GTF2F1: variants seen among roughly 807,000 people sequenced by gnomAD.
GTF2F1 encodes general transcription factor IIF subunit 1.
In GTF2F1, 39 loss-of-function variants were observed where a neutral mutation model predicts 63.5. That is an observed-to-expected ratio of 0.61 (90% confidence interval 0.48 to 0.80). The LOEUF is 0.80. GTF2F1 is among the 30% of genes least tolerant of loss of function. The probability of loss-of-function intolerance (pLI) is 0.00; values close to 1 mark genes in which losing one functional copy is unlikely to be tolerated. For missense variants in GTF2F1, 657 were observed against 718.3 expected (o/e 0.91, Z 0.97); for synonymous variants, 287 against 285.3 (o/e 1.01, Z -0.06).
Position 6,381,667 on chromosome 19 carries a change from GGTCTCGCAGGCGCCTCCCGTCGGCCTCA to G in GTF2F1, c.836+2_836+29del, listed in dbSNP as rs2091952368. ...AGCGCGCGCTCGCGAGGCTGCATGG[GGTCTCGCAGGCGCCTCCCGTCGGCCTCA>G]CCTGGAGCCGTCTGACATGTAGTCC... On this transcript the variant is annotated splice_donor_variant and splice_donor_5th_base_variant and intron_variant, in intron 7 of 12. Transcript: ENST00000394456. LOFTEE classifies it high-confidence loss of function. The surrounding 1 kb of genome is among the most constrained non-coding windows in gnomAD (Gnocchi z 4.1). 6.2e-7 allele frequency: 1 copy of G among 1,613,974 alleles called. No individual in the cohort carries two copies. The highest frequency in any genetic ancestry group is 1.7e-5 in the Admixed American group (1 of 60,002).
rs2091947785 is a variant in GTF2F1, at chr19:6,381,177, TCCGACTCCTCG to T, written c.1026_1036del (p.Ser342ArgfsTer9). The T allele has an allele frequency of 6.2e-7, 1 of 1,610,484 alleles. No homozygotes were observed. Among genetic ancestry groups the T allele is most frequent in the Non-Finnish European group, 8.5e-7 (1 of 1,178,732 alleles). On this transcript the variant is annotated frameshift_variant, in exon 10 of 13. Coordinates refer to ENST00000394456, the MANE Select transcript of GTF2F1 (RefSeq NM_002096.3). LOFTEE classifies it high-confidence loss of function. The surrounding 1 kb of genome is among the most constrained non-coding windows in gnomAD (Gnocchi z 4.1). The stretch of plus-strand genomic sequence containing the variant: ...GTCAATGTCGCTCTCCTCTGAGCTG[TCCGACTCCTCG>T]CTGCTGTCTGCGGGGCACAGGAAAG...
intron 3 of GTF2F1, among the ~76,000 whole-genome samples, chr19:6,391,242 C>A (rs11666818): frequency 6.6e-6 from 1 of 152,124 alleles, no homozygotes; most frequent in African/African-American, 2.4e-5. Flanking sequence ...AAAGTCCTTT[C>A]TAGAGCCTCT....
chr19:6,381,634 A>G lies in GTF2F1; in HGVS notation c.837-19T>C. 2.5e-6 allele frequency: 4 copies of G among 1,613,970 alleles called. No individual in the cohort carries two copies. Among genetic ancestry groups the G allele is most frequent in the Non-Finnish European group, 3.4e-6 (4 of 1,180,022 alleles). ...GGAGCTACTGTAAGACGGGGATGGC[A>G]AAGGATGAGCGCGCGCTCGCGAGGC... On this transcript the variant is annotated intron_variant, in intron 7 of 12. Coordinates refer to ENST00000394456, the MANE Select transcript of GTF2F1 (RefSeq NM_002096.3). The surrounding 1 kb of genome is among the most constrained non-coding windows in gnomAD (Gnocchi z 4.1).
chr19:6,380,671 C>T lies in GTF2F1; in HGVS notation c.1251G>A (p.Met417Ile). 2.5e-6 allele frequency: 4 copies of T among 1,612,682 alleles called. No homozygotes were observed. Among genetic ancestry groups the T allele is most frequent in the African/African-American group, 1.3e-5 (1 of 75,050 alleles). ...KLEQGKRVSE[M>I]PAAKRLRLDT... ...CCAGCCGCAACCGCTTGGCTGCAGG[C>T]ATCTCGCTCACCCGCTTCCCTGTGG... The change falls in exon 12 of 13, where the codon ATG becomes ATA. Residue 417 changes from methionine to isoleucine, a missense_variant. Physicochemically the swap from Met to Ile is conservative, Grantham distance 10. Transcript: ENST00000394456. The surrounding 1 kb of genome is among the most constrained non-coding windows in gnomAD (Gnocchi z 5.3).
Position 6,381,325 on chromosome 19 carries a change from C to G in GTF2F1, c.1018+34G>C. 1 of 1,553,238 alleles carries G rather than the reference C, an allele frequency of 6.4e-7. No homozygotes were observed. The highest frequency in any genetic ancestry group is 8.7e-7 in the Non-Finnish European group (1 of 1,148,278). ...GGTGGCAGGGCGCCAGGGCCCGACC[C>G]AAGCCTCCAATATGGGGGCCACATG... On this transcript the variant is annotated intron_variant, in intron 9 of 12. Transcript: ENST00000394456. The surrounding 1 kb of genome is among the most constrained non-coding windows in gnomAD (Gnocchi z 4.1).
intron 4 of GTF2F1, 140 bp from the exon 5 acceptor site, chr19:6,387,699 A>AACCGCCTGGGCAGGCCCTTCC (rs1299144916): frequency 2.3e-5 from 14 of 608,674 alleles, no homozygotes; most frequent in Middle Eastern, 2.7e-4. Context: ...CAGGCCCTTC[A>AACCGCCTGGGCAGGCCCTTCC]ACCACCTGGG....
At chr19:6,384,932 C>T (rs2091968505) in intron 5 of GTF2F1, among the ~76,000 whole-genome samples, 1 of 151,816 alleles carries the variant, frequency 6.6e-6, no homozygotes, top group South Asian at 2.1e-4. Context: ...TACAGGTGCC[C>T]GCCACCATGC....
Position 6,380,681 on chromosome 19 carries a change from A to T in GTF2F1, c.1241T>A (p.Val414Glu). The T allele has an allele frequency of 6.2e-7, 1 of 1,611,476 alleles. No individual in the cohort carries two copies. The highest frequency in any genetic ancestry group is 8.5e-7 in the Non-Finnish European group (1 of 1,179,946). The stretch of plus-strand genomic sequence containing the variant: ...CCGCTTGGCTGCAGGCATCTCGCTC[A>T]CCCGCTTCCCTGTGGGAGTGGGGTC... ...AASKLEQGKR[V>E]SEMPAAKRLR... The change falls in exon 12 of 13, where the codon GTG becomes GAG. Residue 414 changes from valine (V) to glutamate (E), a missense_variant. Physicochemically the swap from Val to Glu is moderately radical, Grantham distance 121. Coordinates refer to ENST00000394456, the MANE Select transcript of GTF2F1 (RefSeq NM_002096.3). The surrounding 1 kb of genome is among the most constrained non-coding windows in gnomAD (Gnocchi z 5.3).
At position 6,383,130 on chromosome 19, in the gene GTF2F1, G is replaced by A. The variant is rs542786925; in HGVS notation, c.682+181C>T. 6.6e-5 allele frequency among the ~76,000 whole-genome samples: 10 copies of A among 152,328 alleles called. No homozygotes were observed. The highest frequency in any genetic ancestry group is 2.2e-4 in the African/African-American group (9 of 41,586). Reference sequence around the variant, plus strand: ...TTGGCCAGGCTGGTCTCAAACTCCTGATCTCAGGTGATCTGCCTGCCTCAG... The same window carrying A: ...TTGGCCAGGCTGGTCTCAAACTCCTAATCTCAGGTGATCTGCCTGCCTCAG... On this transcript the variant is annotated intron_variant, in intron 6 of 12. Transcript: ENST00000394456. This position sits in a 1 kb window ranked among gnomAD's most constrained non-coding sequence, Gnocchi z 4.5.
At chr19:6,385,936 C>T (rs2091972243) in intron 5 of GTF2F1, among the ~76,000 whole-genome samples, 1 of 152,034 alleles carries the variant, frequency 6.6e-6, no homozygotes, top group African/African-American at 2.4e-5. Flanking sequence ...ATTAGCCGGG[C>T]ATGGTGGCAG....
chr19:6,389,352 G>A, intron 4 of GTF2F1, 92 bp downstream of exon 4: 1 of 1,096,648 alleles, frequency 9.1e-7, no homozygotes, highest in Non-Finnish European at 1.3e-6. Flanking sequence ...GGAATCTGAG[G>A]TTCAGAGAGG....
intron 5 of GTF2F1, among the ~76,000 whole-genome samples, chr19:6,384,793 TTTTC>T (rs1176044073): frequency 9.9e-5 from 15 of 151,486 alleles, no homozygotes; most frequent in Non-Finnish European, 1.9e-4. Flanking sequence ...TTTTCTTTTC[TTTTC>T]TTTTGAGTTG....
In GTF2F1 at chr19:6,387,262, G is replaced by A. The variant is rs557623060; in HGVS notation, c.497+127C>T. 5.6e-5 allele frequency: 47 copies of A among 835,904 alleles called. No homozygotes were observed. The East Asian group carries it at 8.3e-4, about 15-fold the overall frequency. The allele number at this position is 835,904 out of a possible 1,614,324, so 51.8% of individuals were successfully genotyped here. A position where few individuals can be genotyped will look rare whatever the true frequency, so the allele number is the denominator to read the frequency against. On this transcript the variant is annotated intron_variant, in intron 5 of 12. Transcript: ENST00000394456. Reference sequence around the variant, plus strand: ...CCTCCTGAACTGACAGCTCTGAGACGGCCGAGTGGGGTCTGCCCTGGTTAC... The same window carrying A: ...CCTCCTGAACTGACAGCTCTGAGACAGCCGAGTGGGGTCTGCCCTGGTTAC...
In GTF2F1 at chr19:6,380,054, T is replaced by C; in HGVS notation, c.*227A>G. The C allele has an allele frequency of 3.4e-6, 2 of 595,528 alleles. No individual in the cohort carries two copies. The highest frequency in any genetic ancestry group is 2.0e-5 in the South Asian group (1 of 50,748). 36.9% of individuals were successfully genotyped at this position (595,528 alleles called of 1,614,324 possible). On this transcript the variant is annotated 3_prime_UTR_variant, in exon 13 of 13. Transcript: ENST00000394456. The surrounding 1 kb of genome is among the most constrained non-coding windows in gnomAD (Gnocchi z 5.3). The stretch of plus-strand genomic sequence containing the variant: ...ACAATAAGAAGGCCTAACAGGCATC[T>C]GAAGATTCCAGAAGGAAGGGCCAGA...
chr19:6,380,239 G>T lies in GTF2F1; in HGVS notation c.*42C>A. 1 of 1,521,704 alleles carries T rather than the reference G, an allele frequency of 6.6e-7. No homozygotes were observed. The highest frequency in any genetic ancestry group is 2.3e-5 in the East Asian group (1 of 44,436). 94.3% of individuals were successfully genotyped at this position (1,521,704 alleles called of 1,614,324 possible). Reference sequence around the variant, plus strand: ...CTAGGATGGCGAAGGGGCAGTGAGAGCCTTAAGTTCTGGGGGGCAGAGCCA... The same window carrying T: ...CTAGGATGGCGAAGGGGCAGTGAGATCCTTAAGTTCTGGGGGGCAGAGCCA... On this transcript the variant is annotated 3_prime_UTR_variant, in exon 13 of 13. Transcript: ENST00000394456. The surrounding 1 kb of genome is among the most constrained non-coding windows in gnomAD (Gnocchi z 5.3).
In GTF2F1 at chr19:6,380,260, A is replaced by C. The variant is rs2091941310; in HGVS notation, c.*21T>G. The C allele has an allele frequency of 2.5e-6, 4 of 1,598,748 alleles. No individual in the cohort carries two copies. The highest frequency in any genetic ancestry group is 3.4e-6 in the Non-Finnish European group (4 of 1,166,030). ...GAGAGCCTTAAGTTCTGGGGGGCAG[A>C]GCCATGTATTGGACCAAGCCTCACT... On this transcript the variant is annotated 3_prime_UTR_variant, in exon 13 of 13. Transcript: ENST00000394456. This position sits in a 1 kb window ranked among gnomAD's most constrained non-coding sequence, Gnocchi z 5.3.
chr19:6,383,931 G>A lies in GTF2F1; in HGVS notation c.498-436C>T, dbSNP rs2145075811. Among the ~76,000 whole-genome samples, 1 of 151,758 alleles carries A rather than the reference G, an allele frequency of 6.6e-6. No individual in the cohort carries two copies. The highest frequency in any genetic ancestry group is 2.0e-4 in the East Asian group (1 of 5,122). Reference sequence around the variant, plus strand: ...CCTGACTCAGCCTCCCAGATAGCCGGGGTTCCAGGCGCCTGCCACCACGCC... The same window carrying A: ...CCTGACTCAGCCTCCCAGATAGCCGAGGTTCCAGGCGCCTGCCACCACGCC... On this transcript the variant is annotated intron_variant, in intron 5 of 12. Transcript: ENST00000394456. This position sits in a 1 kb window ranked among gnomAD's most constrained non-coding sequence, Gnocchi z 4.5.
chr19:6,380,601 G>T lies in GTF2F1; in HGVS notation c.1321C>A (p.Pro441Thr). 6.2e-7 allele frequency: 1 copy of T among 1,614,032 alleles called. No homozygotes were observed. Among genetic ancestry groups the T allele is most frequent in the Non-Finnish European group, 8.5e-7 (1 of 1,180,006 alleles). Residue 441 changes from proline (P) to threonine (T), a missense_variant, in exon 12 of 13, where the codon CCA becomes ACA. Physicochemically the swap from Pro to Thr is conservative, Grantham distance 38 (BLOSUM62 -1). Around this residue, in one of 2 missense-constraint regions of GTF2F1, gnomAD observed 602 missense variants for 625.6 expected, o/e 0.96. Coordinates refer to ENST00000394456, the MANE Select transcript of GTF2F1 (RefSeq NM_002096.3). The surrounding 1 kb of genome is among the most constrained non-coding windows in gnomAD (Gnocchi z 5.3). Reference sequence around the variant, plus strand: ...CTGTTGGGTGTTGTCTTGCCTGATGGTGGCTGGGGTGTCGACTTCCCAGAC... The same window carrying T: ...CTGTTGGGTGTTGTCTTGCCTGATGTTGGCTGGGGTGTCGACTTCCCAGAC... ...SLSGKSTPQP[P>T]SGKTTPNSGD...
intron 4 of GTF2F1, among the ~76,000 whole-genome samples, chr19:6,387,955 A>T (rs1050846131): frequency 6.7e-6 from 1 of 149,186 alleles, no homozygotes; most frequent in Non-Finnish European, 1.5e-5. Context: ...TTTGAGATGG[A>T]GTCTCGCTCT....
Sources: allele counts gnomAD v4.1 joint callset (sites outside exome capture counted in the v4.1 genomes callset), GRCh38; gene constraint gnomAD v4.1.1; regional missense constraint gnomAD v4.1.1; non-coding constraint Gnocchi (gnomAD v3.1); transcripts MANE v1.5; gene names NCBI Gene and HGNC (gene_info 2026-07-23, HGNC 2026-07-21).